Variants in TEX9 observed in about 807,000 individuals in gnomAD.
The protein encoded by TEX9 is testis expressed 9, also known as testis-expressed protein 9.
Under a neutral mutation model 59.6 loss-of-function variants are expected in TEX9, and 74 were observed. The observed-to-expected ratio is 1.24, with a 90% CI of 1.03 to 1.51. The LOEUF (loss-of-function observed/expected upper bound fraction) is 1.51. TEX9 is among the 40% of genes most tolerant of loss of function. TEX9 has a pLI of 0.00. For missense variants in TEX9, 522 were observed against 447.8 expected (o/e 1.17, Z -1.49); for synonymous variants, 186 against 152.2 (o/e 1.22, Z -1.64).
intron 1 of TEX9, among the ~76,000 whole-genome samples, chr15:56,280,721 G>C (rs370601838): frequency 8.5e-5 from 13 of 152,310 alleles, no homozygotes; most frequent in East Asian, 5.8e-4. Flanking sequence ...GTATATAACA[G>C]AATCATTGAA....
At chr15:56,439,751 T>TAA (rs374476223) in intron 12 of TEX9, among the ~76,000 whole-genome samples, 2 of 82,532 alleles carry the variant, frequency 2.4e-5, no homozygotes, top group East Asian at 3.1e-4. Flanking sequence ...TGGAAAAGCA[T>TAA]AAAAAAAAAA....
chr15:56,425,711 CTT>C (rs1359258725), intron 10 of TEX9, among the ~76,000 whole-genome samples: 4 of 152,078 alleles, frequency 2.6e-5, no homozygotes, highest in Non-Finnish European at 4.4e-5. Flanking sequence ...GCCTTTGTTT[CTT>C]TAGGATACAC....
chr15:56,384,385 A>T (rs539881966), intron 4 of TEX9, among the ~76,000 whole-genome samples: 2 of 152,262 alleles, frequency 1.3e-5, no homozygotes, highest in East Asian at 3.9e-4. Flanking sequence ...AAGTTTAGTT[A>T]ATCTCTTCCA....
intron 1 of TEX9, among the ~76,000 whole-genome samples, chr15:56,286,020 A>C (rs1349137860): frequency 6.6e-6 from 1 of 152,208 alleles, no homozygotes; most frequent in African/African-American, 2.4e-5. Context: ...AGATTTAAAA[A>C]TATTTGATTA....
In TEX9 at chr15:56,388,420, T is replaced by A. The variant is rs1024177513; in HGVS notation, c.264-52T>A. On this transcript the variant is annotated intron_variant, in intron 4 of 12. Transcript: ENST00000352903. ...AATATAATTGTTGAATTTCATTGTC[T>A]CAGCTCAGTGTCATCTATTATTAAT... 2.5e-5 allele frequency: 34 copies of A among 1,347,512 alleles called. No individual in the cohort carries two copies. In the Middle Eastern group the frequency reaches 1.9e-3, roughly 76 times the overall value. 83.5% of individuals were successfully genotyped at this position (1,347,512 alleles called of 1,614,324 possible). A position where few individuals can be genotyped will look rare whatever the true frequency, so the allele number is the denominator to read the frequency against.
chr15:56,317,521 G>T (rs2045804743), intron 1 of TEX9, among the ~76,000 whole-genome samples: 1 of 151,988 alleles, frequency 6.6e-6, no homozygotes, highest in Non-Finnish European at 1.5e-5. Flanking sequence ...TCTATTTTCT[G>T]TTTTATGTAT....
chr15:56,315,163 AT>A (rs1312908152), intron 1 of TEX9, among the ~76,000 whole-genome samples: 1 of 145,776 alleles, frequency 6.9e-6, no homozygotes, highest in Non-Finnish European at 1.5e-5. Flanking sequence ...TAAAGTTAGT[AT>A]TGTTATGTGT....
intron 1 of TEX9, among the ~76,000 whole-genome samples, chr15:56,354,941 A>G (rs548465353): frequency 1.3e-5 from 2 of 152,314 alleles, no homozygotes; most frequent in African/African-American, 2.4e-5. Context: ...TAATTTAGCC[A>G]ATTTATTTTT....
intron 12 of TEX9, chr15:56,429,293 G>A (rs1422352720): frequency 9.6e-6 from 7 of 728,470 alleles, no homozygotes; most frequent in Non-Finnish European, 1.1e-5. Flanking sequence ...TTATCTCCAA[G>A]GTAATGAAAT....
At chr15:56,290,346 G>A (rs1352514865) in intron 1 of TEX9, among the ~76,000 whole-genome samples, 5 of 152,124 alleles carry the variant, frequency 3.3e-5, no homozygotes, top group African/African-American at 1.2e-4. Context: ...TAGGGATTGT[G>A]CTGATTCTTG....
chr15:56,438,377 AAAAC>A (rs1196520868), intron 12 of TEX9, among the ~76,000 whole-genome samples: 3 of 152,176 alleles, frequency 2.0e-5, no homozygotes, highest in East Asian at 1.9e-4. Flanking sequence ...AAACCTGACA[AAAAC>A]AAGCAATAGG....
intron 1 of TEX9, among the ~76,000 whole-genome samples, chr15:56,339,399 A>ACAAAC (rs1567091378): frequency 7.5e-6 from 1 of 133,388 alleles, no homozygotes; most frequent in Admixed American, 8.2e-5. Context: ...AAAAAAAAAA[A>ACAAAC]AAAAAAAAAA....
At chr15:56,322,992 A>G (rs1283279665) in intron 1 of TEX9, among the ~76,000 whole-genome samples, 5 of 152,106 alleles carry the variant, frequency 3.3e-5, no homozygotes, top group Admixed American at 2.0e-4. Context: ...CTTCCTAACA[A>G]AAATAAAGAA....
chr15:56,309,953 C>G (rs1455390058), intron 1 of TEX9, among the ~76,000 whole-genome samples: 5 of 152,020 alleles, frequency 3.3e-5, no homozygotes, highest in Non-Finnish European at 5.9e-5. Flanking sequence ...TGAAACCCAT[C>G]TGGGTAACTG....
the TEX9 span, among the ~76,000 whole-genome samples, chr15:56,457,375 T>A: frequency 6.6e-6 from 1 of 152,124 alleles, no homozygotes; most frequent in African/African-American, 2.4e-5. Context: ...CAAATTAGAA[T>A]TGCAAGGAGA....
chr15:56,338,078 C>T (rs138094002), intron 1 of TEX9, among the ~76,000 whole-genome samples: 1 of 152,232 alleles, frequency 6.6e-6, no homozygotes, highest in East Asian at 1.9e-4. Context: ...AGTCCTTTGG[C>T]ACAAGGAATC....
intron 1 of TEX9, among the ~76,000 whole-genome samples, chr15:56,268,858 T>A (rs2044454441): frequency 1.3e-5 from 2 of 152,160 alleles, no homozygotes; most frequent in Non-Finnish European, 1.5e-5. Context: ...TTAAGGAGGA[T>A]TCCCCCTTTT....
rs768267414 is a variant in TEX9, at chr15:56,389,377, TAAAG to T, written c.373_376del (p.Lys125GlufsTer10). The T allele has an allele frequency of 1.2e-5, 19 of 1,610,416 alleles. No homozygotes were observed. The Admixed American group carries it at 1.3e-4, about 11-fold the overall frequency. ...TTCAAAACAAATTACACTCTGCAAA[TAAAG>T]GAAGGAAAACAAATTCAAGGTATAG... On this transcript the variant is annotated frameshift_variant, in exon 6 of 13. Transcript: ENST00000352903. LOFTEE classifies it high-confidence loss of function.
intron 1 of TEX9, among the ~76,000 whole-genome samples, chr15:56,246,987 G>C (rs1355325554): frequency 6.6e-6 from 1 of 152,190 alleles, no homozygotes; most frequent in Non-Finnish European, 1.5e-5. Context: ...AAGATGGATT[G>C]TCAGCACCTC....
Sources: allele counts gnomAD v4.1 joint callset (sites outside exome capture counted in the v4.1 genomes callset), GRCh38; gene constraint gnomAD v4.1.1; transcripts MANE v1.5; gene names NCBI Gene and HGNC (gene_info 2026-07-23, HGNC 2026-07-21).